Variants in ARNT observed in about 807,000 individuals in gnomAD.
ARNT encodes aryl hydrocarbon receptor nuclear translocator, also known as class E basic helix-loop-helix protein 2.
A neutral mutation model predicts 105.0 loss-of-function variants in ARNT; 30 were observed. The ratio of observed to expected loss-of-function variants is 0.29; its 90% CI spans 0.21 to 0.39. The LOEUF (loss-of-function observed/expected upper bound fraction) is 0.39. Ranked by LOEUF, ARNT falls within the 10% of genes least tolerant of loss-of-function variation. ARNT has a pLI of 1.00. For missense variants in ARNT, 748 were observed against 978.7 expected, an observed-to-expected ratio of 0.76 and a Z score of 3.15; for synonymous variants, 304 against 344.0, an observed-to-expected ratio of 0.88 and a Z score of 1.29.
At chr1:150,820,151 G>A (rs1656755754) in intron 14 of ARNT, among the ~76,000 whole-genome samples, 1 of 152,076 alleles carries the variant, frequency 6.6e-6, no homozygotes, top group South Asian at 2.1e-4. Flanking sequence ...GAGTTGAGTA[G>A]GTGGAATAAA....
rs10305652 is a variant in ARNT at position 150,876,330 on chromosome 1, C to A, written c.25+213G>T. On this transcript the variant is annotated intron_variant, in intron 1 of 21. Transcript: ENST00000358595. Reference sequence around the variant, plus strand: ...ACAGGGAGCCCCCCTCAACTCCCACCTGCCCCCTCGCTCCCTTGGGTATAC... The same window carrying A: ...ACAGGGAGCCCCCCTCAACTCCCACATGCCCCCTCGCTCCCTTGGGTATAC... Among the ~76,000 whole-genome samples, 127 of 152,316 alleles carry A rather than the reference C, an allele frequency of 8.3e-4. No homozygotes were observed. The Middle Eastern group carries it at 0.01, about 12-fold the overall frequency.
intron 3 of ARNT, among the ~76,000 whole-genome samples, chr1:150,852,481 C>G (rs990182270): frequency 6.6e-6 from 1 of 152,108 alleles, no homozygotes; most frequent in African/African-American, 2.4e-5. Context: ...TGCAGTCAAT[C>G]CACAGAATTG....
Position 150,816,376 on chromosome 1 carries a change from A to G in ARNT, c.1833T>C (p.Ile611=). ...GTCCTGCAGAAGCTGATGGCTGGAC[A>G]ATGGTTACAGGAGGGGCTAGGCCAC... The part of the protein sequence containing the change: ...RNSGLAPPVT[I]VQPSASAGQM... Residue 611 remains isoleucine, a synonymous_variant, in exon 19 of 22, where the codon ATT becomes ATC. Coordinates refer to ENST00000358595, the MANE Select transcript of ARNT (RefSeq NM_001668.4). 1 of 1,608,186 alleles carries G rather than the reference A, an allele frequency of 6.2e-7. No individual in the cohort carries two copies. Among genetic ancestry groups the G allele is most frequent in the South Asian group, 1.1e-5 (1 of 90,162 alleles).
intron 3 of ARNT, among the ~76,000 whole-genome samples, chr1:150,852,024 CAG>C (rs1278123785): frequency 6.8e-6 from 1 of 147,272 alleles, no homozygotes; most frequent in Admixed American, 6.8e-5. Flanking sequence ...CTCCTGGCGA[CAG>C]AGCAAGACTC....
chr1:150,876,402 G>T (rs1414826408), intron 1 of ARNT, 141 bp downstream of exon 1: 25 of 1,211,206 alleles, frequency 2.1e-5, no homozygotes, highest in Non-Finnish European at 2.5e-5. Flanking sequence ...CCAGGTCACC[G>T]CTCCCCCACC....
chr1:150,839,660 T>A lies in ARNT; in HGVS notation c.273-6A>T. On this transcript the variant is annotated splice_polypyrimidine_tract_variant and splice_region_variant and intron_variant, in intron 5 of 21. Coordinates refer to ENST00000358595, the MANE Select transcript of ARNT (RefSeq NM_001668.4). ...CAATTTCACTGTGATTTTCCCTGCATGGAAAGAAAGAGAAGCCCCATCCAG... is the reference window on the plus strand; with the variant it reads ...CAATTTCACTGTGATTTTCCCTGCAAGGAAAGAAAGAGAAGCCCCATCCAG... 17 of 1,611,568 alleles carry A rather than the reference T, an allele frequency of 1.1e-5. No homozygotes were observed. Among genetic ancestry groups the A allele is most frequent in the Non-Finnish European group, 1.3e-5 (15 of 1,178,824 alleles).
Position 150,814,101 on chromosome 1 carries a change from G to C in ARNT, c.2089C>G (p.Leu697Val). The C allele has an allele frequency of 1.2e-6, 2 of 1,614,154 alleles. No individual in the cohort carries two copies. Among genetic ancestry groups the C allele is most frequent in the Non-Finnish European group, 1.7e-6 (2 of 1,180,028 alleles). ...ASPGAAAYPS[L>V]TNRGSNFAPE... ...CCAAAGTTAGATCCACGATTGGTGAGACTAGGGTAGGCAGCAGCACCAGGC... is the reference window on the plus strand; with the variant it reads ...CCAAAGTTAGATCCACGATTGGTGACACTAGGGTAGGCAGCAGCACCAGGC... The change falls in exon 20 of 22, where the codon CTC becomes GTC. Residue 697 changes from leucine (L) to valine (V), a missense_variant. By Grantham distance (32) the Leu-to-Val change is conservative (BLOSUM62 1). Transcript: ENST00000358595.
At chr1:150,815,589 G>A (rs150253674) in intron 19 of ARNT, among the ~76,000 whole-genome samples, 2,781 of 150,908 alleles carry the variant, frequency 0.018, 49 homozygotes, top group South Asian at 0.056. Flanking sequence ...GCCAGGCGCG[G>A]TGGCTCACGC....
chr1:150,810,227 C>T lies in ARNT; in HGVS notation c.*1794G>A, dbSNP rs1037987239. 1 of 232,666 alleles carries T rather than the reference C, an allele frequency of 4.3e-6. No individual in the cohort carries two copies. The highest frequency in any genetic ancestry group is 8.5e-6 in the Non-Finnish European group (1 of 117,578). 14.4% of individuals were successfully genotyped at this position (232,666 alleles called of 1,614,324 possible). A position where few individuals can be genotyped will look rare whatever the true frequency, so the allele number is the denominator to read the frequency against. On this transcript the variant is annotated 3_prime_UTR_variant, in exon 22 of 22. Coordinates refer to ENST00000358595, the MANE Select transcript of ARNT (RefSeq NM_001668.4). Reference sequence around the variant, plus strand: ...AAAACAAAACAGTCAAAAATAAAACCCTGAAGGAAAAGCAAAAACAAAACC... The same window carrying T: ...AAAACAAAACAGTCAAAAATAAAACTCTGAAGGAAAAGCAAAAACAAAACC...
intron 1 of ARNT, among the ~76,000 whole-genome samples, chr1:150,866,076 A>G (rs1214707879): frequency 6.7e-6 from 1 of 148,972 alleles, no homozygotes; most frequent in African/African-American, 2.5e-5. Context: ...TCTGCTTCCC[A>G]GGTTCAAGCA....
In ARNT at chr1:150,815,733, C is replaced by T. The variant is rs72704634; in HGVS notation, c.1950+526G>A. ...AAAAAAAATTAGGCGCAGTGGCGGG[C>T]GCCTGTACAAGTCCCAGCTACTTGG... On this transcript the variant is annotated intron_variant, in intron 19 of 21. Transcript: ENST00000358595. 3.5e-3 allele frequency among the ~76,000 whole-genome samples: 507 copies of T among 146,276 alleles called. 1 individual carries two copies. Among genetic ancestry groups the T allele is most frequent in the Non-Finnish European group, 6.3e-3 (418 of 66,470 alleles).
At chr1:150,830,599 T>C (rs1659192934) in intron 10 of ARNT, among the ~76,000 whole-genome samples, 1 of 152,306 alleles carries the variant, frequency 6.6e-6, no homozygotes, top group South Asian at 2.1e-4. Flanking sequence ...ATGGCACATA[T>C]GAAGACATCC....
intron 1 of ARNT, among the ~76,000 whole-genome samples, chr1:150,866,168 A>G (rs1666553181): frequency 6.6e-6 from 1 of 152,002 alleles, no homozygotes; most frequent in Admixed American, 6.6e-5. Flanking sequence ...TTTTTAGTAG[A>G]GACGGGGTTT....
chr1:150,861,800 C>T (rs1263126639), intron 1 of ARNT, among the ~76,000 whole-genome samples: 1 of 152,184 alleles, frequency 6.6e-6, no homozygotes, highest in African/African-American at 2.4e-5. Context: ...TAGGGCTTTT[C>T]ACCTTTATGA....
In ARNT at chr1:150,811,790, C is replaced by T. The variant is rs1359917708; in HGVS notation, c.*231G>A. ...GAAAGGTGTTTTAACTTCACCCAGC[C>T]TCAAATTTTCAGACAGTCCTAAAAG... is the stretch of plus-strand genomic sequence containing the variant. On this transcript the variant is annotated 3_prime_UTR_variant, in exon 22 of 22. Coordinates refer to ENST00000358595, the MANE Select transcript of ARNT (RefSeq NM_001668.4). 1 of 345,220 alleles carries T rather than the reference C, an allele frequency of 2.9e-6. No individual in the cohort carries two copies. The highest frequency in any genetic ancestry group is 2.1e-5 in the African/African-American group (1 of 47,630). The allele number at this position is 345,220 out of a possible 1,614,324, so 21.4% of individuals were successfully genotyped here. A position where few individuals can be genotyped will look rare whatever the true frequency, so the allele number is the denominator to read the frequency against.
At chr1:150,830,083 G>A in intron 10 of ARNT, 103 bp from the exon 11 acceptor site, 4 of 1,323,476 alleles carry the variant, frequency 3.0e-6, no homozygotes, top group Non-Finnish European at 4.2e-6. Context: ...TATGGGCCAG[G>A]CACCGTGGCT....
chr1:150,820,138 G>A (rs1656751898), intron 14 of ARNT, among the ~76,000 whole-genome samples: 1 of 152,120 alleles, frequency 6.6e-6, no homozygotes, highest in African/African-American at 2.4e-5. Flanking sequence ...TCATGCTACA[G>A]CAGAGTTGAG....
At chr1:150,857,244 T>G (rs1664792572) in intron 2 of ARNT, among the ~76,000 whole-genome samples, 1 of 152,222 alleles carries the variant, frequency 6.6e-6, no homozygotes, top group African/African-American at 2.4e-5. Flanking sequence ...AGCATTCCAT[T>G]TTAAATATAC....
intron 19 of ARNT, among the ~76,000 whole-genome samples, chr1:150,815,397 A>G (rs1655620387): frequency 6.6e-6 from 1 of 151,240 alleles, no homozygotes; most frequent in African/African-American, 2.4e-5. Context: ...AAATACAAAA[A>G]ATTAGCCAGG....
Sources: allele counts gnomAD v4.1 joint callset (sites outside exome capture counted in the v4.1 genomes callset), GRCh38; gene constraint gnomAD v4.1.1; transcripts MANE v1.5; gene names NCBI Gene and HGNC (gene_info 2026-07-23, HGNC 2026-07-21).